Variants in UPK1B observed in about 807,000 individuals in gnomAD.
UPK1B encodes uroplakin 1B.
Under a neutral mutation model 34.2 loss-of-function variants are expected in UPK1B, and 28 were observed. That is an observed-to-expected ratio of 0.82 (90% CI 0.61 to 1.12). The LOEUF is 1.12. Ranked by LOEUF, UPK1B falls within the 50% of genes most tolerant of loss-of-function variation. The pLI is 0.00. For synonymous variants in UPK1B, 81 were observed against 110.4 expected (o/e 0.73, Z 1.67); for missense variants, 325 against 320.9 (o/e 1.01, Z -0.10).
intron 1 of UPK1B, among the ~76,000 whole-genome samples, chr3:119,175,780 A>G (rs1008800302): frequency 2.0e-5 from 3 of 152,182 alleles, no homozygotes; most frequent in Non-Finnish European, 4.4e-5. Context: ...CACTAACCAC[A>G]TGTATCTAGG....
chr3:119,194,181 C>A (rs2078056271), intron 5 of UPK1B, 38 bp from the exon 6 acceptor site: 1 of 1,604,396 alleles, frequency 6.2e-7, no homozygotes, highest in Admixed American at 1.7e-5. Context: ...CTAGTAGGGA[C>A]CACGAAAGAG....
intron 6 of UPK1B, among the ~76,000 whole-genome samples, chr3:119,198,415 A>G (rs1049352433): frequency 6.6e-6 from 1 of 152,242 alleles, no homozygotes; most frequent in Admixed American, 6.5e-5. Flanking sequence ...TGACTAGGAT[A>G]GAGTGCGCCA....
intron 1 of UPK1B, among the ~76,000 whole-genome samples, chr3:119,176,752 C>T (rs1311040090): frequency 1.3e-5 from 2 of 152,196 alleles, no homozygotes; most frequent in African/African-American, 4.8e-5. Flanking sequence ...TTCCTTCCCA[C>T]CCCTGCCAGA....
chr3:119,201,145 A>G (rs1279100622), intron 7 of UPK1B, among the ~76,000 whole-genome samples: 3 of 152,130 alleles, frequency 2.0e-5, no homozygotes, highest in African/African-American at 7.2e-5. Flanking sequence ...CAGGAGTTTT[A>G]CTTCCCACTG....
At position 119,187,820 on chromosome 3, in the gene UPK1B, G is replaced by A; in HGVS notation, c.115G>A (p.Asp39Asn). The change falls in exon 3 of 8, where the codon GAC becomes AAC. Residue 39 changes from aspartate to asparagine, a missense_variant. Coordinates refer to ENST00000264234, the MANE Select transcript of UPK1B (RefSeq NM_006952.4). ...LTAECIFFVS[D>N]QHSLYPLLEA... is the part of the protein sequence containing the mutation. ...TGCGGAGTGCATCTTCTTTGTATCTGACCAACACAGCCTCTACCCACTGCT... is the reference window on the plus strand; with the variant it reads ...TGCGGAGTGCATCTTCTTTGTATCTAACCAACACAGCCTCTACCCACTGCT... The A allele has an allele frequency of 6.2e-7, 1 of 1,612,968 alleles. No homozygotes were observed. The highest frequency in any genetic ancestry group is 8.5e-7 in the Non-Finnish European group (1 of 1,179,902).
At chr3:119,173,680 C>T (rs1315580153) in intron 1 of UPK1B, 42 bp downstream of exon 1, 2 of 152,194 alleles carry the variant, frequency 1.3e-5, no homozygotes, top group African/African-American at 4.8e-5. Context: ...CTCCCGGGCT[C>T]AAGGGCTGGG....
intron 1 of UPK1B, among the ~76,000 whole-genome samples, chr3:119,175,372 C>T (rs1470424534): frequency 6.6e-6 from 1 of 152,074 alleles, no homozygotes; most frequent in African/African-American, 2.4e-5. Context: ...CAATCTTAAC[C>T]AGAGTAAACA....
At position 119,202,180 on chromosome 3, in the gene UPK1B, A is replaced by G. The variant is rs555957617; in HGVS notation, c.733-1737A>G. 1.7e-4 allele frequency among the ~76,000 whole-genome samples: 26 copies of G among 152,340 alleles called. No homozygotes were observed. In the East Asian group the frequency reaches 4.4e-3, roughly 26 times the overall value. On this transcript the variant is annotated intron_variant, in intron 7 of 7. Transcript: ENST00000264234. ...CACAACAGTAGCTAAGCAGGTAGCC[A>G]GTGTCCTGTCTTACAAGGAGCAGAG...
chr3:119,191,414 A>G (rs1410316875), intron 5 of UPK1B, among the ~76,000 whole-genome samples: 1 of 152,124 alleles, frequency 6.6e-6, no homozygotes, highest in Non-Finnish European at 1.5e-5. Flanking sequence ...ACCAGGCCCT[A>G]TATCTTGATT....
At chr3:119,182,529 T>A (rs2077994036) in intron 1 of UPK1B, among the ~76,000 whole-genome samples, 1 of 152,268 alleles carries the variant, frequency 6.6e-6, no homozygotes, top group Non-Finnish European at 1.5e-5. Context: ...AGTTATTGTC[T>A]ACTAATTTTA....
At position 119,182,234 on chromosome 3, in the gene UPK1B, C is replaced by T. The variant is rs148184407; in HGVS notation, c.-28-4480C>T. Among the ~76,000 whole-genome samples the T allele has an allele frequency of 2.4e-3, 358 of 152,286 alleles. 2 individuals carry two copies. Among genetic ancestry groups the T allele is most frequent in the African/African-American group, 8.1e-3 (338 of 41,574 alleles). Reference sequence around the variant, plus strand: ...TCTTGTGTAAGCCCTCCTGGTCCCTCGAGCAGAGCAGCCCCTGTGCAGTGA... The same window carrying T: ...TCTTGTGTAAGCCCTCCTGGTCCCTTGAGCAGAGCAGCCCCTGTGCAGTGA... On this transcript the variant is annotated intron_variant, in intron 1 of 7. Coordinates refer to ENST00000264234, the MANE Select transcript of UPK1B (RefSeq NM_006952.4).
intron 1 of UPK1B, among the ~76,000 whole-genome samples, chr3:119,182,725 C>T (rs1460481569): frequency 6.6e-6 from 1 of 152,228 alleles, no homozygotes; most frequent in Non-Finnish European, 1.5e-5. Context: ...CTCTTGACAT[C>T]TGTGGCCATT....
intron 6 of UPK1B, among the ~76,000 whole-genome samples, chr3:119,197,676 C>T (rs2078072665): frequency 6.6e-6 from 1 of 152,328 alleles, no homozygotes; most frequent in African/African-American, 2.4e-5. Flanking sequence ...CAGTGAACAA[C>T]ATAAAATCCC....
At chr3:119,190,100 C>A in intron 3 of UPK1B, 145 bp from the exon 4 acceptor site, 2 of 580,374 alleles carry the variant, frequency 3.4e-6, no homozygotes, top group Non-Finnish European at 6.0e-6. Context: ...TCAATCCAAG[C>A]CACTGGTCAA....
chr3:119,199,818 G>A (rs1055954652), intron 7 of UPK1B, among the ~76,000 whole-genome samples: 2 of 152,142 alleles, frequency 1.3e-5, no homozygotes, highest in East Asian at 1.9e-4. Flanking sequence ...TTTGATTTCA[G>A]AACCCCTTTA....
At chr3:119,200,535 T>C (rs562535572) in intron 7 of UPK1B, among the ~76,000 whole-genome samples, 3 of 152,372 alleles carry the variant, frequency 2.0e-5, no homozygotes, top group Admixed American at 2.0e-4. Flanking sequence ...TATTAGTTCA[T>C]TGTGTTATGC....
chr3:119,183,165 G>A (rs2077996874), intron 1 of UPK1B, among the ~76,000 whole-genome samples: 1 of 152,170 alleles, frequency 6.6e-6, no homozygotes, highest in African/African-American at 2.4e-5. Flanking sequence ...AGAGTGTTTA[G>A]CAAATGATCT....
chr3:119,194,933 T>C (rs1192284415), intron 6 of UPK1B, among the ~76,000 whole-genome samples: 1 of 152,234 alleles, frequency 6.6e-6, no homozygotes, highest in Non-Finnish European at 1.5e-5. Context: ...TCCAGGCTGA[T>C]GAGGATAATG....
chr3:119,177,370 C>G (rs767458126), intron 1 of UPK1B, among the ~76,000 whole-genome samples: 1 of 152,182 alleles, frequency 6.6e-6, no homozygotes, highest in Non-Finnish European at 1.5e-5. Context: ...TCATTAGTGA[C>G]AAACCCCATA....
Sources: gnomAD v4.1 joint callset for allele counts (sites outside exome capture counted in the v4.1 genomes callset) on GRCh38, gnomAD v4.1.1 for gene constraint, MANE v1.5 for transcripts, NCBI Gene and HGNC (gene_info 2026-07-23, HGNC 2026-07-21) for gene names.